Variants in ROBO1 observed in about 807,000 individuals in gnomAD.
ROBO1 encodes roundabout homolog 1.
Under a neutral mutation model 195.9 loss-of-function variants are expected in ROBO1, and 149 were observed. The observed-to-expected ratio is 0.76, with a 90% CI of 0.67 to 0.87. ROBO1 has a LOEUF of 0.87. Among genes scored for constraint, ROBO1 ranks in the 40% least tolerant of loss-of-function variants. ROBO1 has a pLI of 0.00. For missense variants in ROBO1, 1,933 were observed against 2,068.3 expected, an observed-to-expected ratio of 0.93 and a Z score of 1.27; for synonymous variants, 816 against 733.2, an observed-to-expected ratio of 1.11 and a Z score of -1.82.
At chr3:79,186,281 C>CCTTT (rs140593846) in intron 2 of ROBO1, among the ~76,000 whole-genome samples, 6 of 151,752 alleles carry the variant, frequency 4.0e-5, no homozygotes, top group African/African-American at 1.2e-4. Flanking sequence ...TCCGGTTCTT[C>CCTTT]CTGATTTATG....
chr3:79,476,181 CA>C (rs1459336050), intron 2 of ROBO1, among the ~76,000 whole-genome samples: 2 of 152,050 alleles, frequency 1.3e-5, no homozygotes, highest in African/African-American at 4.8e-5. Flanking sequence ...AAGCACAAGT[CA>C]AAACCACAAC....
chr3:79,302,124 G>A (rs905774990), intron 2 of ROBO1, among the ~76,000 whole-genome samples: 2 of 152,180 alleles, frequency 1.3e-5, no homozygotes, highest in Non-Finnish European at 2.9e-5. Context: ...TCCAGGAACT[G>A]AATGTTAGTA....
intron 5 of ROBO1, among the ~76,000 whole-genome samples, chr3:78,743,507 T>C (rs1480967308): frequency 2.6e-5 from 4 of 152,154 alleles, no homozygotes; most frequent in Admixed American, 2.6e-4. Context: ...TTTGCCTTTC[T>C]ATCTGCAATC....
intron 2 of ROBO1, among the ~76,000 whole-genome samples, chr3:79,541,908 A>C (rs1352665761): frequency 2.0e-5 from 3 of 151,216 alleles, no homozygotes; most frequent in Non-Finnish European, 4.4e-5. Context: ...TTACATTTGC[A>C]TCATGTAAGA....
At chr3:78,657,399 A>C (rs1707106187) in intron 17 of ROBO1, 130 bp from the exon 18 acceptor site, 1 of 880,310 alleles carries the variant, frequency 1.1e-6, no homozygotes, top group Non-Finnish European at 1.7e-6. Flanking sequence ...AAGTTTCCAA[A>C]GTCATTTTTT....
intron 4 of ROBO1, among the ~76,000 whole-genome samples, chr3:78,772,287 A>AAC: frequency 6.6e-6 from 1 of 152,070 alleles, no homozygotes; most frequent in East Asian, 1.9e-4. Flanking sequence ...ATATTTAACA[A>AAC]ACACATTTGA....
chr3:79,053,044 G>T (rs190593025), intron 3 of ROBO1, among the ~76,000 whole-genome samples: 21 of 152,160 alleles, frequency 1.4e-4, no homozygotes, highest in Admixed American at 1.2e-3. Context: ...CCTGAAAAAG[G>T]AACCTTAGAT....
intron 3 of ROBO1, among the ~76,000 whole-genome samples, chr3:79,039,298 A>G (rs2078437280): frequency 6.6e-6 from 1 of 151,970 alleles, no homozygotes; most frequent in Non-Finnish European, 1.5e-5. Context: ...TTTTCTGGGG[A>G]ATGTATTTTC....
At chr3:79,280,437 C>T (rs1559786821) in intron 2 of ROBO1, among the ~76,000 whole-genome samples, 1 of 152,046 alleles carries the variant, frequency 6.6e-6, no homozygotes, top group Non-Finnish European at 1.5e-5. Flanking sequence ...CCCTTATTAT[C>T]TACTTTCCAG....
intron 22 of ROBO1, among the ~76,000 whole-genome samples, 166 bp downstream of exon 22, chr3:78,639,578 G>A (rs1705795029): frequency 6.6e-6 from 1 of 152,182 alleles, no homozygotes; most frequent in African/African-American, 2.4e-5. Flanking sequence ...GGAGGTTAAG[G>A]GATGGAGAAA....
chr3:79,144,480 CT>C (rs988146878), intron 2 of ROBO1, among the ~76,000 whole-genome samples: 1 of 151,850 alleles, frequency 6.6e-6, no homozygotes. Context: ...TTTCCTTCTT[CT>C]AAATCTTTCT....
intron 2 of ROBO1, among the ~76,000 whole-genome samples, chr3:79,361,926 TC>T (rs1401414637): frequency 1.3e-5 from 2 of 152,112 alleles, no homozygotes; most frequent in African/African-American, 4.8e-5. Flanking sequence ...AAGCAAGTTT[TC>T]CAAGGTAGTA....
chr3:79,402,313 AATAG>A (rs2037396832), intron 2 of ROBO1, among the ~76,000 whole-genome samples: 2 of 151,998 alleles, frequency 1.3e-5, no homozygotes, highest in Non-Finnish European at 2.9e-5. Context: ...TACAGACAAT[AATAG>A]ATACATATCA....
At chr3:79,071,924 A>G (rs1035601214) in intron 3 of ROBO1, among the ~76,000 whole-genome samples, 4 of 151,882 alleles carry the variant, frequency 2.6e-5, no homozygotes, top group African/African-American at 9.7e-5. Context: ...CTTCTAGTCT[A>G]AAAAATGTTC....
intron 3 of ROBO1, among the ~76,000 whole-genome samples, chr3:79,025,272 A>G (rs998155100): frequency 1.3e-5 from 2 of 152,124 alleles, no homozygotes; most frequent in Admixed American, 6.5e-5. Context: ...GAGAGGCTTT[A>G]TCTGTCCAGG....
At chr3:78,955,127 G>C (rs1445870402) in intron 3 of ROBO1, among the ~76,000 whole-genome samples, 2 of 145,660 alleles carry the variant, frequency 1.4e-5, no homozygotes. Flanking sequence ...TAGGTAAACT[G>C]TGTGTCATGG....
chr3:79,073,672 A>C (rs1017799935), intron 3 of ROBO1, among the ~76,000 whole-genome samples: 1 of 151,894 alleles, frequency 6.6e-6, no homozygotes, highest in African/African-American at 2.4e-5. Context: ...AGAGAGCTCA[A>C]TAAAAGATGG....
intron 4 of ROBO1, among the ~76,000 whole-genome samples, chr3:78,813,506 T>A (rs2084807349): frequency 6.6e-6 from 1 of 152,162 alleles, no homozygotes; most frequent in Admixed American, 6.5e-5. Context: ...TTATTTTATA[T>A]TGAAACATTA....
At chr3:78,623,402 T>C (rs2107449923) in intron 26 of ROBO1, among the ~76,000 whole-genome samples, 1 of 152,272 alleles carries the variant, frequency 6.6e-6, no homozygotes, top group Admixed American at 6.5e-5. Context: ...ATTGTGCTTA[T>C]TCCAGGAACT....
Sources: gnomAD v4.1 joint callset for allele counts (sites outside exome capture counted in the v4.1 genomes callset) on GRCh38, gnomAD v4.1.1 for gene constraint, MANE v1.5 for transcripts, NCBI Gene and HGNC (gene_info 2026-07-23, HGNC 2026-07-21) for gene names.